Variants in ADGRL3 observed in about 807,000 individuals in gnomAD.
ADGRL3 encodes the protein calcium-independent alpha-latrotoxin receptor 3.
Under a neutral mutation model 153.5 loss-of-function variants are expected in ADGRL3, and 62 were observed. That is an observed-to-expected ratio of 0.40 (90% CI 0.33 to 0.50). ADGRL3 has a LOEUF of 0.50. Among genes scored for constraint, ADGRL3 ranks in the 20% least tolerant of loss-of-function variants. The pLI, the probability that ADGRL3 is intolerant of heterozygous loss-of-function variation, is 0.47. For missense variants in ADGRL3, 1,641 were observed against 1,859.4 expected (o/e 0.88, Z 2.16); for synonymous variants, 710 against 672.5 (o/e 1.06, Z -0.86).
chr4:61,389,435 G>A (rs578218081), intron 2 of ADGRL3, among the ~76,000 whole-genome samples: 11 of 152,036 alleles, frequency 7.2e-5, no homozygotes, highest in Non-Finnish European at 1.5e-4. Context: ...TTTTTATACA[G>A]TAACGATGTA....
At chr4:61,955,304 T>C (rs1358558709) in intron 17 of ADGRL3, among the ~76,000 whole-genome samples, 1 of 152,144 alleles carries the variant, frequency 6.6e-6, no homozygotes, top group Non-Finnish European at 1.5e-5. Flanking sequence ...GACTTACTGA[T>C]TACTTGTACC....
intron 17 of ADGRL3, among the ~76,000 whole-genome samples, chr4:61,978,427 T>C (rs2099055619): frequency 6.6e-6 from 1 of 152,300 alleles, no homozygotes; most frequent in East Asian, 1.9e-4. Flanking sequence ...TAAAATATCA[T>C]TGTAGGAATT....
At chr4:61,795,552 AGAGTAT>A (rs1308538308) in intron 8 of ADGRL3, among the ~76,000 whole-genome samples, 2 of 152,210 alleles carry the variant, frequency 1.3e-5, no homozygotes, top group Admixed American at 6.5e-5. Flanking sequence ...CTATGTCTAG[AGAGTAT>A]ATATTGTACA....
chr4:61,210,040 G>T (rs1329912949), intron 1 of ADGRL3, among the ~76,000 whole-genome samples: 16 of 152,052 alleles, frequency 1.1e-4, no homozygotes, highest in Non-Finnish European at 1.5e-5. Flanking sequence ...CTTTTGAAAG[G>T]CTCATAAATG....
intron 8 of ADGRL3, among the ~76,000 whole-genome samples, chr4:61,744,338 T>C (rs2096624390): frequency 6.6e-6 from 1 of 152,110 alleles, no homozygotes; most frequent in Non-Finnish European, 1.5e-5. Context: ...AGTGTCCCTG[T>C]TTAAGAGCTT....
At chr4:61,538,864 T>C (rs1052326090) in intron 4 of ADGRL3, among the ~76,000 whole-genome samples, 6 of 152,092 alleles carry the variant, frequency 3.9e-5, no homozygotes, top group Admixed American at 3.9e-4. Context: ...TGGGGAAGAT[T>C]GCGTTGGGTT....
At chr4:61,901,379 C>T (rs10020948) in intron 11 of ADGRL3, among the ~76,000 whole-genome samples, 38,227 of 152,070 alleles carry the variant, frequency 0.25, 5,218 homozygotes, top group East Asian at 0.44. Context: ...CGTTTGACAA[C>T]GAGTCAGTTA....
chr4:62,005,547 T>G (rs550898530), intron 21 of ADGRL3, among the ~76,000 whole-genome samples: 1 of 152,260 alleles, frequency 6.6e-6, no homozygotes, highest in Non-Finnish European at 1.5e-5. Flanking sequence ...AAGGGGAAAA[T>G]GTCTTCTTCA....
At chr4:61,432,630 CTTTCTTTCTTTCTTTCTTTCTT>C (rs1392570790) in intron 2 of ADGRL3, among the ~76,000 whole-genome samples, 4 of 50,498 alleles carry the variant, frequency 7.9e-5, no homozygotes, top group Admixed American at 2.3e-4. Context: ...TTCTTTCTTT[CTTTCTTTCTTTCTTTCTTTCTT>C]TCTTTTTTTT....
intron 1 of ADGRL3, among the ~76,000 whole-genome samples, chr4:61,259,280 G>A (rs1480241278): frequency 6.6e-6 from 1 of 151,938 alleles, no homozygotes; most frequent in Non-Finnish European, 1.5e-5. Context: ...AAAATTAGCC[G>A]GGCGTGGTGG....
At chr4:61,483,591 G>T (rs1008813131) in intron 2 of ADGRL3, among the ~76,000 whole-genome samples, 2 of 151,938 alleles carry the variant, frequency 1.3e-5, no homozygotes, top group African/African-American at 4.8e-5. Flanking sequence ...TACAAAATTA[G>T]CTGGGCATGG....
intron 8 of ADGRL3, among the ~76,000 whole-genome samples, chr4:61,800,564 C>A (rs1276788218): frequency 1.3e-5 from 2 of 152,136 alleles, no homozygotes; most frequent in African/African-American, 4.8e-5. Context: ...AACCTCAGTG[C>A]AAGTGCTGTC....
chr4:61,698,655 G>T (rs2095688922), intron 6 of ADGRL3, among the ~76,000 whole-genome samples: 2 of 152,018 alleles, frequency 1.3e-5, no homozygotes, highest in Admixed American at 1.3e-4. Context: ...AAAAGTGTTA[G>T]TAATTTGTGA....
chr4:61,548,207 T>C (rs902973557), intron 4 of ADGRL3, among the ~76,000 whole-genome samples: 1 of 152,002 alleles, frequency 6.6e-6, no homozygotes, highest in African/African-American at 2.4e-5. Context: ...ATAGTTTGCA[T>C]GTTTTTTCTC....
intron 1 of ADGRL3, among the ~76,000 whole-genome samples, chr4:61,258,335 C>A (rs2342456): frequency 0.63 from 95,991 of 151,964 alleles, 30,526 homozygotes; most frequent in East Asian, 0.7. Context: ...TATTTAGTAC[C>A]CACCAGGATC....
intron 2 of ADGRL3, among the ~76,000 whole-genome samples, chr4:61,432,610 CTTTCTTTCTTTCTTTCTTTCT>C (rs2097374923): frequency 1.5e-5 from 1 of 67,832 alleles, no homozygotes; most frequent in African/African-American, 5.6e-5. Context: ...TTCTTTCTTT[CTTTCTTTCTTTCTTTCTTTCT>C]TTCTTTCTTT....
At chr4:62,000,606 T>C (rs1440498699) in intron 21 of ADGRL3, among the ~76,000 whole-genome samples, 6 of 152,166 alleles carry the variant, frequency 3.9e-5, no homozygotes, top group Non-Finnish European at 8.8e-5. Context: ...TTAATCTTTC[T>C]GTGGCTTCCT....
At chr4:61,569,988 A>G (rs1213831537) in intron 4 of ADGRL3, among the ~76,000 whole-genome samples, 1 of 152,072 alleles carries the variant, frequency 6.6e-6, no homozygotes, top group African/African-American at 2.4e-5. Flanking sequence ...TCATTATTTG[A>G]TGAATATTTG....
At chr4:62,033,124 T>C (rs1234818452) in intron 23 of ADGRL3, among the ~76,000 whole-genome samples, 1 of 151,804 alleles carries the variant, frequency 6.6e-6, no homozygotes, top group Non-Finnish European at 1.5e-5. Flanking sequence ...TGAAGGGACA[T>C]AGGCTGATGA....
Sources: allele counts gnomAD v4.1 joint callset (sites outside exome capture counted in the v4.1 genomes callset), GRCh38; gene constraint gnomAD v4.1.1; transcripts MANE v1.5; gene names NCBI Gene and HGNC (gene_info 2026-07-23, HGNC 2026-07-21).